The following NIBAN3 variants were observed in gnomAD, a reference collection of about 807,000 sequenced individuals.
NIBAN3 encodes niban apoptosis regulator 3, also known as protein Niban 3.
NIBAN3 carries 66 observed loss-of-function variants against 76.4 expected under a neutral mutation model. The observed-to-expected ratio is 0.86, with a 90% CI of 0.71 to 1.06. The LOEUF (loss-of-function observed/expected upper bound fraction) is 1.06, where lower values mean the gene tolerates loss of function less well. Ranked by LOEUF, NIBAN3 falls within the 50% of genes least tolerant of loss-of-function variation. The pLI, the probability that NIBAN3 is intolerant of heterozygous loss-of-function variation, is 0.00. For missense variants in NIBAN3, 808 were observed against 810.7 expected, an observed-to-expected ratio of 1.00 and a Z score of 0.04; for synonymous variants, 360 against 355.2, an observed-to-expected ratio of 1.01 and a Z score of -0.15.
At chr19:17,551,725 A>G (rs768649597) in intron 14 of NIBAN3, 61 bp from the exon 15 acceptor site, 67 of 696,490 alleles carry the variant, frequency 9.6e-5, no homozygotes, top group Non-Finnish European at 1.7e-4. Context: ...TTAAGCACTT[A>G]TTACATGCCA....
intron 5 of NIBAN3, among the ~76,000 whole-genome samples, chr19:17,538,760 G>T (rs1488659976): frequency 6.6e-6 from 1 of 151,496 alleles, no homozygotes; most frequent in African/African-American, 2.4e-5. Flanking sequence ...AAGAAAGAAA[G>T]AGAGGGAGGG....
chr19:17,525,539 G>A (rs1217417441), upstream of NIBAN3, among the ~76,000 whole-genome samples: 1 of 152,140 alleles, frequency 6.6e-6, no homozygotes, highest in Non-Finnish European at 1.5e-5. Context: ...CCAAGGGGCT[G>A]GTATCTGGTC....
upstream of NIBAN3, among the ~76,000 whole-genome samples, chr19:17,523,956 T>C (rs1238156633): frequency 6.6e-6 from 1 of 152,116 alleles, no homozygotes; most frequent in Non-Finnish European, 1.5e-5. Context: ...TGGTGTGATC[T>C]CAGCTCACTG....
rs372327001 is a variant in NIBAN3 at position 17,542,215 on chromosome 19, G to A, written c.1250G>A (p.Arg417His). The A allele has an allele frequency of 4.5e-5, 73 of 1,613,984 alleles. No individual in the cohort carries two copies. The highest frequency in any genetic ancestry group is 5.4e-5 in the Non-Finnish European group (64 of 1,180,036). ...CGTGAGGCCGAGCGGAGCCGGGGGC[G>A]CTTGGGGCAGCTGGCAGCACCGTTT... The part of the protein sequence containing the change: ...CYREAERSRG[R>H]LGQLAAPFGF... The change falls in exon 10 of 15, where the codon CGC (arginine) becomes CAC (histidine). Residue 417 changes from arginine to histidine, a missense_variant. By Grantham distance (29) the Arg-to-His change is conservative (BLOSUM62 0). Coordinates refer to ENST00000599164, the MANE Select transcript of NIBAN3 (RefSeq NM_001321827.2). This position sits in a 1 kb window ranked among gnomAD's most constrained non-coding sequence, Gnocchi z 4.8.
In NIBAN3 at chr19:17,540,385, C is replaced by A; in HGVS notation, c.980-7C>A. 1 of 1,477,324 alleles carries A rather than the reference C, an allele frequency of 6.8e-7. No homozygotes were observed. Among genetic ancestry groups the A allele is most frequent in the Non-Finnish European group, 9.0e-7 (1 of 1,109,274 alleles). 91.5% of individuals were successfully genotyped at this position (1,477,324 alleles called of 1,614,324 possible). A position where few individuals can be genotyped will look rare whatever the true frequency, so the allele number is the denominator to read the frequency against. On this transcript the variant is annotated splice_polypyrimidine_tract_variant and splice_region_variant and intron_variant, in intron 8 of 14. Transcript: ENST00000599164. Reference sequence around the variant, plus strand: ...GGGGACTCCAGACCAGTGTCTTCCACTCCCAGCGGATATCAGGGGACCGCT... The same window carrying A: ...GGGGACTCCAGACCAGTGTCTTCCAATCCCAGCGGATATCAGGGGACCGCT...
intron 8 of NIBAN3, chr19:17,540,082 G>C: frequency 2.4e-6 from 1 of 414,004 alleles, no homozygotes; most frequent in Non-Finnish European, 4.3e-6. Flanking sequence ...CCTTGAGGCT[G>C]AGGCTCGAGG....
chr19:17,523,755 C>T (rs1362222832), upstream of NIBAN3, among the ~76,000 whole-genome samples: 1 of 152,192 alleles, frequency 6.6e-6, no homozygotes, highest in Non-Finnish European at 1.5e-5. Flanking sequence ...GCCCCTCACT[C>T]AGTCTCCCTG....
chr19:17,544,928 G>A (rs1383957976), intron 12 of NIBAN3, among the ~76,000 whole-genome samples: 1 of 152,080 alleles, frequency 6.6e-6, no homozygotes, highest in Non-Finnish European at 1.5e-5. Flanking sequence ...TAAAGATAAG[G>A]AAACTGAGGC....
intron 14 of NIBAN3, among the ~76,000 whole-genome samples, chr19:17,550,640 C>A (rs116966028): frequency 6.6e-6 from 1 of 152,006 alleles, no homozygotes; most frequent in East Asian, 1.9e-4. Context: ...CCCTCTAGCC[C>A]GGGCCACAGA....
Position 17,543,508 on chromosome 19 carries a change from T to G in NIBAN3, c.1447-16T>G. On this transcript the variant is annotated splice_polypyrimidine_tract_variant and intron_variant, in intron 11 of 14. Coordinates refer to ENST00000599164, the MANE Select transcript of NIBAN3 (RefSeq NM_001321827.2). Reference sequence around the variant, plus strand: ...CTCAGATGGTTGCTGGACGCACCGCTGGGTGTGTTGTGCAGAAATTCAAAT... The same window carrying G: ...CTCAGATGGTTGCTGGACGCACCGCGGGGTGTGTTGTGCAGAAATTCAAAT... 6.2e-7 allele frequency: 1 copy of G among 1,613,394 alleles called. No homozygotes were observed. The highest frequency in any genetic ancestry group is 8.5e-7 in the Non-Finnish European group (1 of 1,179,352).
upstream of NIBAN3, chr19:17,523,451 C>G (rs754299971): frequency 2.6e-6 from 4 of 1,563,916 alleles, no homozygotes; most frequent in African/African-American, 5.4e-5. Context: ...GGGGCCTGAC[C>G]GGAAGGAGGT....
chr19:17,525,335 C>CTGCA (rs2075594185), upstream of NIBAN3, among the ~76,000 whole-genome samples: 1 of 150,874 alleles, frequency 6.6e-6, no homozygotes, highest in Non-Finnish European at 1.5e-5. Flanking sequence ...CCGTCCCTCC[C>CTGCA]TTCATTCATT....
chr19:17,539,064 C>T (rs935274959), intron 5 of NIBAN3, 86 bp from the exon 6 acceptor site: 13 of 1,205,684 alleles, frequency 1.1e-5, no homozygotes, highest in Non-Finnish European at 1.4e-5. Context: ...TGTTGGGGAC[C>T]TGGCCAGGCG....
chr19:17,532,069 G>A (rs1360540492), intron 2 of NIBAN3, among the ~76,000 whole-genome samples, 194 bp from the exon 3 acceptor site: 2 of 152,188 alleles, frequency 1.3e-5, no homozygotes, highest in African/African-American at 4.8e-5. Context: ...CCACTTCCCA[G>A]CTGTGCCCAC....
intron 7 of NIBAN3, 40 bp downstream of exon 7, chr19:17,539,491 C>T (rs1262263201): frequency 1.4e-6 from 2 of 1,455,078 alleles, no homozygotes; most frequent in South Asian, 2.8e-5. Flanking sequence ...GGGCGGGATG[C>T]GGGCGTTCGG....
At position 17,542,489 on chromosome 19, in the gene NIBAN3, G is replaced by A. The variant is rs34474857; in HGVS notation, c.1329+195G>A. On this transcript the variant is annotated intron_variant, in intron 10 of 14. Coordinates refer to ENST00000599164, the MANE Select transcript of NIBAN3 (RefSeq NM_001321827.2). This position sits in a 1 kb window ranked among gnomAD's most constrained non-coding sequence, Gnocchi z 4.8. ...AGCTGGGGCAGGGTGTACAGGGAGC[G>A]CCAAGGATGTTCCTGATCCACCTCT... 0.033 allele frequency among the ~76,000 whole-genome samples: 5,091 copies of A among 152,294 alleles called. 92 individuals are homozygous for A. Among genetic ancestry groups the A allele is most frequent in the African/African-American group, 0.049 (2,047 of 41,558 alleles).
At chr19:17,541,986 C>G (rs979785746) in intron 9 of NIBAN3, 150 bp from the exon 10 acceptor site, 2 of 973,086 alleles carry the variant, frequency 2.1e-6, no homozygotes, top group African/African-American at 3.2e-5. Flanking sequence ...GCCTGGCCCA[C>G]CACTATTGTA....
At position 17,537,385 on chromosome 19, in the gene NIBAN3, C is replaced by A. The variant is rs1459668474; in HGVS notation, c.437C>A (p.Thr146Asn). Residue 146 changes from threonine to asparagine, a missense_variant, in exon 5 of 15, where the codon ACT (threonine) becomes AAT (asparagine). Thr to Asn is a moderately conservative substitution (Grantham distance 65). Coordinates refer to ENST00000599164, the MANE Select transcript of NIBAN3 (RefSeq NM_001321827.2). ...ALCPESLGDH[T>N]QEEPDSLLEV... ...TCCTGTTTGTTTTCAGGAGACCATA[C>A]TCAGGAAGAGCCTGACTCCCTCTTG... The A allele has an allele frequency of 3.1e-6, 5 of 1,613,542 alleles. No individual in the cohort carries two copies. The highest frequency in any genetic ancestry group is 4.2e-6 in the Non-Finnish European group (5 of 1,179,740).
At position 17,539,244 on chromosome 19, in the gene NIBAN3, G is replaced by A. The variant is rs74546231; in HGVS notation, c.690G>A (p.Val230=). 104,000 of 1,606,174 alleles carry A rather than the reference G, an allele frequency of 0.065. 3,854 individuals carry two copies. Among genetic ancestry groups the A allele is most frequent in the Non-Finnish European group, 0.077 (90,154 of 1,176,534 alleles). The part of the protein sequence containing the change: ...QHQGHFGDDD[V]TLGSDAEVLT... ...AAGGCCACTTTGGCGACGACGACGT[G>A]ACCCTAGGCTCAGACGCCGAGGTTA... The change falls in exon 6 of 15, where the codon GTG becomes GTA. Residue 230 remains valine, a synonymous_variant. Transcript: ENST00000599164.
Sources: allele counts gnomAD v4.1 joint callset (sites outside exome capture counted in the v4.1 genomes callset), GRCh38; gene constraint gnomAD v4.1.1; non-coding constraint Gnocchi (gnomAD v3.1); transcripts MANE v1.5; gene names NCBI Gene and HGNC (gene_info 2026-07-23, HGNC 2026-07-21).